The following WBP1L variants were observed in gnomAD, a reference collection of about 807,000 sequenced individuals.
WBP1L encodes WW domain binding protein 1 like.
WBP1L carries 17 observed loss-of-function variants against 33.7 expected under a neutral mutation model. That is an observed-to-expected ratio of 0.50 (90% CI 0.34 to 0.76). The LOEUF is 0.76. Among genes scored for constraint, WBP1L ranks in the 30% least tolerant of loss-of-function variants. The pLI is 0.01. For missense variants in WBP1L, 389 were observed against 469.4 expected (o/e 0.83, Z 1.58); for synonymous variants, 173 against 190.8 (o/e 0.91, Z 0.77).
intron 1 of WBP1L, among the ~76,000 whole-genome samples, chr10:102,762,166 C>T (rs933949600): frequency 3.3e-5 from 5 of 151,924 alleles, no homozygotes; most frequent in Non-Finnish European, 5.9e-5. Context: ...TTTTAGTGGT[C>T]GCACCACTCC....
intron 1 of WBP1L, among the ~76,000 whole-genome samples, chr10:102,752,381 G>A (rs1323755821): frequency 3.3e-5 from 5 of 152,182 alleles, no homozygotes; most frequent in African/African-American, 1.2e-4. Context: ...CGAGTTTTCG[G>A]TGGGACTTGA....
intron 1 of WBP1L, among the ~76,000 whole-genome samples, chr10:102,789,427 G>A (rs998141355): frequency 3.9e-5 from 6 of 152,058 alleles, no homozygotes; most frequent in African/African-American, 1.2e-4. Context: ...GTGTTTTTGC[G>A]TGGATTTGAT....
intron 1 of WBP1L, among the ~76,000 whole-genome samples, chr10:102,762,847 G>A (rs1030153619): frequency 6.6e-6 from 1 of 152,092 alleles, no homozygotes; most frequent in South Asian, 2.1e-4. Context: ...CTACCCTTCC[G>A]GTACAGTACT....
At chr10:102,784,988 G>A (rs781046982) in intron 1 of WBP1L, among the ~76,000 whole-genome samples, 30 of 150,960 alleles carry the variant, frequency 2.0e-4, no homozygotes, top group Non-Finnish European at 2.8e-4. Flanking sequence ...TGATTCTTCC[G>A]CCTCAGCATC....
intron 2 of WBP1L, among the ~76,000 whole-genome samples, chr10:102,805,303 TA>T (rs931604147): frequency 6.6e-6 from 1 of 152,114 alleles, no homozygotes; most frequent in Non-Finnish European, 1.5e-5. Context: ...TTAAATTTTT[TA>T]AAAAATTGTA....
intron 1 of WBP1L, among the ~76,000 whole-genome samples, chr10:102,790,848 C>T (rs1843487696): frequency 6.6e-6 from 1 of 152,082 alleles, no homozygotes; most frequent in African/African-American, 2.4e-5. Context: ...TGTGCCGTGG[C>T]TGAGGGTAGA....
rs1373339378 is a variant in WBP1L, at chr10:102,798,113, T to G, written c.193+18T>G. On this transcript the variant is annotated intron_variant, in intron 2 of 3. Coordinates refer to ENST00000448841, the MANE Select transcript of WBP1L (RefSeq NM_001083913.2). ...ACTCTGGTGTAAGTCCTTGCTTGGG[T>G]GCCTCTCAGTATCCCAGGGTCCCAG... 4 of 1,607,522 alleles carry G rather than the reference T, an allele frequency of 2.5e-6. No homozygotes were observed. The highest frequency in any genetic ancestry group is 3.4e-6 in the Non-Finnish European group (4 of 1,174,294).
chr10:102,786,960 C>T (rs958833270), intron 1 of WBP1L, among the ~76,000 whole-genome samples: 2 of 152,152 alleles, frequency 1.3e-5, no homozygotes, highest in African/African-American at 2.4e-5. Context: ...AGTCCAGAGC[C>T]CTTAAGGAGT....
At chr10:102,766,217 G>A (rs1222183949) in intron 1 of WBP1L, among the ~76,000 whole-genome samples, 3 of 151,882 alleles carry the variant, frequency 2.0e-5, no homozygotes, top group South Asian at 2.1e-4. Flanking sequence ...CGAGGCAGGC[G>A]GATCACCTCA....
Position 102,813,314 on chromosome 10 carries a change from A to G in WBP1L, c.1075A>G (p.Ser359Gly). 1 of 1,609,214 alleles carries G rather than the reference A, an allele frequency of 6.2e-7. No homozygotes were observed. The highest frequency in any genetic ancestry group is 1.1e-5 in the South Asian group (1 of 90,938). ...GCAGGACTCTCCCAACTCCCAGAGC[A>G]GCAGCTCCCCCAGCTAGAGCAGGTC... ...NEQDSPNSQS[S>G]SSPS Residue 359 changes from serine to glycine, a missense_variant, in exon 4 of 4, where the codon AGC becomes GGC. Physicochemically the swap from Ser to Gly is moderately conservative, Grantham distance 56. Transcript: ENST00000448841.
At chr10:102,781,058 C>T (rs1420009284) in intron 1 of WBP1L, among the ~76,000 whole-genome samples, 1 of 152,174 alleles carries the variant, frequency 6.6e-6, no homozygotes, top group African/African-American at 2.4e-5. Context: ...GAAAGAGGCA[C>T]AGGGGGCAAC....
intron 1 of WBP1L, among the ~76,000 whole-genome samples, chr10:102,770,807 T>G (rs1260037822): frequency 6.6e-6 from 1 of 152,240 alleles, no homozygotes. Context: ...CCTGCCTGTC[T>G]GCTTAACATT....
At chr10:102,767,099 C>T (rs1485833563) in intron 1 of WBP1L, among the ~76,000 whole-genome samples, 1 of 152,156 alleles carries the variant, frequency 6.6e-6, no homozygotes, top group Admixed American at 6.5e-5. Context: ...AACAAGGCTA[C>T]TTTGTACTTG....
chr10:102,800,167 G>GTTAAA (rs2134060445), intron 2 of WBP1L, among the ~76,000 whole-genome samples: 2 of 152,356 alleles, frequency 1.3e-5, no homozygotes, highest in South Asian at 4.1e-4. Context: ...TTAAAATGCA[G>GTTAAA]ATAACCACAG....
intron 1 of WBP1L, among the ~76,000 whole-genome samples, chr10:102,769,434 T>A (rs1843158849): frequency 6.6e-6 from 1 of 151,934 alleles, no homozygotes; most frequent in African/African-American, 2.4e-5. Context: ...TGTGACTGTG[T>A]TTGTCCCTCG....
chr10:102,754,769 A>G (rs983572356), intron 1 of WBP1L, among the ~76,000 whole-genome samples: 82 of 151,818 alleles, frequency 5.4e-4, no homozygotes, highest in African/African-American at 1.9e-3. Flanking sequence ...CAGTGGCGCA[A>G]TCATAGCTCA....
At chr10:102,753,681 C>T (rs965809499) in intron 1 of WBP1L, among the ~76,000 whole-genome samples, 2 of 152,152 alleles carry the variant, frequency 1.3e-5, no homozygotes, top group African/African-American at 4.8e-5. Context: ...TTCTTCTGCT[C>T]CTGGTGCTGT....
At position 102,804,409 on chromosome 10, in the gene WBP1L, C is replaced by CT. The variant is rs1275952111; in HGVS notation, c.194-5474dup. Among the ~76,000 whole-genome samples, 240 of 125,340 alleles carry CT rather than the reference C, an allele frequency of 1.9e-3. 1 individual carries two copies. The highest frequency in any genetic ancestry group is 5.5e-3 in the African/African-American group (190 of 34,818). 82.2% of individuals were successfully genotyped at this position (125,340 alleles called of 152,430 possible). On this transcript the variant is annotated intron_variant, in intron 2 of 3. Coordinates refer to ENST00000448841, the MANE Select transcript of WBP1L (RefSeq NM_001083913.2). ...TCTCAAAAAAAAAAAAAAAAAAGCCCTTTTTTTTTTAAAAAAAAAATTATA... is the reference window on the plus strand; with the variant it reads ...TCTCAAAAAAAAAAAAAAAAAAGCCCTTTTTTTTTTTAAAAAAAAAATTATA...
intron 2 of WBP1L, among the ~76,000 whole-genome samples, chr10:102,807,725 CT>C (rs924111987): frequency 6.6e-6 from 1 of 151,752 alleles, no homozygotes; most frequent in Non-Finnish European, 1.5e-5. Context: ...TTGTCATCTG[CT>C]TTTTTTCATT....
Sources: gnomAD v4.1 joint callset for allele counts (sites outside exome capture counted in the v4.1 genomes callset) on GRCh38, gnomAD v4.1.1 for gene constraint, MANE v1.5 for transcripts, NCBI Gene and HGNC (gene_info 2026-07-23, HGNC 2026-07-21) for gene names.